Variants in ASIC2 observed in about 807,000 individuals in gnomAD.
ASIC2 encodes the protein acid-sensing ion channel 2.
In ASIC2, 25 loss-of-function variants were observed where a neutral mutation model predicts 57.3. That is an observed-to-expected ratio of 0.44 (90% CI 0.32 to 0.61). The LOEUF is 0.61. Among genes scored for constraint, ASIC2 ranks in the 20% least tolerant of loss-of-function variants. ASIC2 has a pLI of 0.06. For synonymous variants in ASIC2, 319 were observed against 307.5 expected (o/e 1.04, Z -0.39); for missense variants, 641 against 738.1 (o/e 0.87, Z 1.52).
intron 1 of ASIC2, among the ~76,000 whole-genome samples, chr17:33,625,136 T>TATCTATC (rs2142023416): frequency 6.8e-6 from 1 of 146,808 alleles, no homozygotes; most frequent in South Asian, 2.2e-4. Context: ...TCTGTCTATC[T>TATCTATC]ATCTATCTAT....
At chr17:33,314,283 T>C (rs940489400) in intron 1 of ASIC2, among the ~76,000 whole-genome samples, 1 of 152,216 alleles carries the variant, frequency 6.6e-6, no homozygotes, top group African/African-American at 2.4e-5. Flanking sequence ...TTAATTTCCT[T>C]CTTCCTTTCT....
At chr17:33,770,241 C>T (rs970833402) in intron 1 of ASIC2, among the ~76,000 whole-genome samples, 30 of 152,310 alleles carry the variant, frequency 2.0e-4, no homozygotes, top group African/African-American at 3.4e-4. Context: ...GTGATGGATG[C>T]TTTATTTGTA....
At chr17:33,552,165 G>A (rs950528237) in intron 1 of ASIC2, among the ~76,000 whole-genome samples, 4 of 152,218 alleles carry the variant, frequency 2.6e-5, no homozygotes, top group African/African-American at 9.6e-5. Flanking sequence ...GGCCCTGAAA[G>A]GGAAAGGGCC....
intron 3 of ASIC2, among the ~76,000 whole-genome samples, chr17:33,064,543 T>C (rs1357568617): frequency 6.6e-6 from 1 of 152,196 alleles, no homozygotes; most frequent in Non-Finnish European, 1.5e-5. Context: ...TGTCTGATCA[T>C]TCCTCTGGAT....
rs1190122170 is a variant in ASIC2 at position 33,192,439 on chromosome 17, CAAAACAAAACAA to C, written c.709-80384_709-80373del. On this transcript the variant is annotated intron_variant, in intron 1 of 9. Coordinates refer to ENST00000225823, the MANE Select transcript of ASIC2 (RefSeq NM_183377.2). ...CAAAACAAAACAAAACAAAACAAAA[CAAAACAAAACAA>C]AACACAACCAAAAAAACCAAGACAG... 6.3e-3 allele frequency among the ~76,000 whole-genome samples: 931 copies of C among 147,266 alleles called. 11 individuals are homozygous for C. Among genetic ancestry groups the C allele is most frequent in the African/African-American group, 0.022 (866 of 39,156 alleles).
intron 1 of ASIC2, among the ~76,000 whole-genome samples, chr17:33,532,018 T>C (rs72823250): frequency 6.6e-6 from 1 of 152,270 alleles, no homozygotes; most frequent in Non-Finnish European, 1.5e-5. Context: ...CACTTTCAGG[T>C]CTTTTTTATT....
At chr17:33,258,754 G>A (rs1909173146) in intron 1 of ASIC2, among the ~76,000 whole-genome samples, 2 of 152,188 alleles carry the variant, frequency 1.3e-5, no homozygotes, top group Non-Finnish European at 2.9e-5. Context: ...AGAAACTAAA[G>A]CTCAGTGAAG....
intron 1 of ASIC2, among the ~76,000 whole-genome samples, chr17:33,970,605 C>A (rs1433565413): frequency 6.6e-6 from 1 of 152,118 alleles, no homozygotes; most frequent in Admixed American, 6.5e-5. Context: ...TCCCAGAGGC[C>A]AAGGAGGAGG....
chr17:33,662,624 AAAATAAATAAAT>A lies in ASIC2; in HGVS notation c.555+493342_555+493353del, dbSNP rs71144895. On this transcript the variant is annotated intron_variant, in intron 1 of 9. Transcript: ENST00000359872. The stretch of plus-strand genomic sequence containing the variant: ...GGTGACAAAGCAAGACTCTGTCTCA[AAAATAAATAAAT>A]AAATAAATAAATAAATAAATAAATA... Among the ~76,000 whole-genome samples, 388 of 85,776 alleles carry A rather than the reference AAAATAAATAAAT, an allele frequency of 4.5e-3. 3 individuals carry two copies. The highest frequency in any genetic ancestry group is 0.021 in the African/African-American group (335 of 15,896). The allele number at this position is 85,776 out of a possible 152,430, so 56.3% of individuals were successfully genotyped here.
chr17:33,793,876 T>C (rs1911842451), intron 1 of ASIC2: 1 of 152,238 alleles, frequency 6.6e-6, no homozygotes, highest in Admixed American at 6.5e-5. Flanking sequence ...GGAATGTTAA[T>C]GGCTATTATC....
chr17:33,373,029 G>A (rs1567839629), intron 1 of ASIC2, among the ~76,000 whole-genome samples: 1 of 152,202 alleles, frequency 6.6e-6, no homozygotes, highest in Non-Finnish European at 1.5e-5. Flanking sequence ...CTTTGGGCAA[G>A]GGTGGGGACT....
intron 1 of ASIC2, among the ~76,000 whole-genome samples, chr17:33,336,218 C>A (rs930822522): frequency 6.6e-6 from 1 of 152,004 alleles, no homozygotes; most frequent in Non-Finnish European, 1.5e-5. Flanking sequence ...ATCTCTAGGC[C>A]AGTCATTTAT....
intron 1 of ASIC2, among the ~76,000 whole-genome samples, chr17:33,480,687 AGAGTTT>A (rs1913374856): frequency 6.6e-6 from 1 of 152,038 alleles, no homozygotes; most frequent in African/African-American, 2.4e-5. Flanking sequence ...GGTGGTATGG[AGAGTTT>A]AGGCATCTGA....
At chr17:33,173,461 C>A (rs990784921) in intron 1 of ASIC2, among the ~76,000 whole-genome samples, 1 of 152,076 alleles carries the variant, frequency 6.6e-6, no homozygotes, top group Non-Finnish European at 1.5e-5. Flanking sequence ...CCTTGGGGAT[C>A]GGTGAAGGCA....
intron 1 of ASIC2, among the ~76,000 whole-genome samples, chr17:33,784,064 T>C (rs1229205386): frequency 6.6e-5 from 10 of 152,078 alleles, no homozygotes; most frequent in Admixed American, 5.9e-4. Context: ...GAGTCTGGCA[T>C]TAGGAGACTG....
At chr17:33,241,639 A>G (rs1261879871) in intron 1 of ASIC2, among the ~76,000 whole-genome samples, 1 of 152,226 alleles carries the variant, frequency 6.6e-6, no homozygotes, top group Non-Finnish European at 1.5e-5. Context: ...GGCAGGAAAG[A>G]GGACTGTATT....
Position 34,008,046 on chromosome 17 carries a change from AG to A in ASIC2, c.555+147931del, listed in dbSNP as rs559502874. On this transcript the variant is annotated intron_variant, in intron 1 of 9. Coordinates refer to the ASIC2 transcript ENST00000359872. ...TCCTTTAGCATGGATGGGGCTGGGA[AG>A]GTGGCTCATGTGCGTATGTACAGTA... Among the ~76,000 whole-genome samples, 50 of 152,332 alleles carry A rather than the reference AG, an allele frequency of 3.3e-4. No individual in the cohort carries two copies. The South Asian group carries it at 3.5e-3, about 11-fold the overall frequency.
At chr17:33,431,813 C>T (rs912164046) in intron 1 of ASIC2, among the ~76,000 whole-genome samples, 66 of 151,338 alleles carry the variant, frequency 4.4e-4, no homozygotes, top group African/African-American at 1.3e-3. Context: ...ATCATAAGAA[C>T]GAAGAGAATA....
At chr17:33,059,375 T>G (rs764684599) in intron 3 of ASIC2, among the ~76,000 whole-genome samples, 6 of 152,196 alleles carry the variant, frequency 3.9e-5, no homozygotes, top group Non-Finnish European at 8.8e-5. Context: ...GTTCTCATTA[T>G]TCAATTCCCA....
Sources: gnomAD v4.1 joint callset for allele counts (sites outside exome capture counted in the v4.1 genomes callset) on GRCh38, gnomAD v4.1.1 for gene constraint, MANE v1.5 for transcripts, NCBI Gene and HGNC (gene_info 2026-07-23, HGNC 2026-07-21) for gene names.